Variants in ZNF654 observed in about 807,000 individuals in gnomAD.
The protein encoded by ZNF654 is melanoma-associated antigen.
A neutral mutation model predicts 95.3 loss-of-function variants in ZNF654; 19 were observed. That is an observed-to-expected ratio of 0.20 (90% CI 0.14 to 0.29). The LOEUF is 0.29. Ranked by LOEUF, ZNF654 falls within the 10% of genes least tolerant of loss-of-function variation. The pLI is 1.00. For missense variants in ZNF654, 1,046 were observed against 1,341.0 expected, an observed-to-expected ratio of 0.78 and a Z score of 3.44; for synonymous variants, 413 against 457.9, an observed-to-expected ratio of 0.90 and a Z score of 1.25.
intron 6 of ZNF654, among the ~76,000 whole-genome samples, chr3:88,131,320 CTG>C (rs1706450099): frequency 6.6e-6 from 1 of 152,118 alleles, no homozygotes. Flanking sequence ...CTGCGTATAA[CTG>C]TAGTTTTTGA....
chr3:88,109,780 G>A (rs1013149191), intron 2 of ZNF654, among the ~76,000 whole-genome samples: 4 of 152,012 alleles, frequency 2.6e-5, no homozygotes, highest in African/African-American at 7.2e-5. Context: ...TTTTATAAAT[G>A]TATAAACTGA....
chr3:88,089,504 T>A (rs1473214401), intron 2 of ZNF654, among the ~76,000 whole-genome samples: 4 of 135,628 alleles, frequency 2.9e-5, no homozygotes, highest in Non-Finnish European at 6.6e-5. Flanking sequence ...AAAAAAAAAA[T>A]GTTTTATTAG....
chr3:88,114,987 C>G (rs1481691748), intron 3 of ZNF654, among the ~76,000 whole-genome samples: 2 of 152,192 alleles, frequency 1.3e-5, no homozygotes, highest in African/African-American at 4.8e-5. Context: ...AGTGCAAACC[C>G]TAGCTCCGCA....
chr3:88,080,734 G>T (rs1453969115), intron 1 of ZNF654, among the ~76,000 whole-genome samples: 1 of 152,176 alleles, frequency 6.6e-6, no homozygotes, highest in Non-Finnish European at 1.5e-5. Flanking sequence ...AAAAGTAAAT[G>T]TAGAAATCTG....
chr3:88,121,330 A>G (rs1705757684), intron 3 of ZNF654, among the ~76,000 whole-genome samples: 1 of 152,250 alleles, frequency 6.6e-6, no homozygotes, highest in South Asian at 2.1e-4. Flanking sequence ...AAAATTCTTA[A>G]GTTTTTTAAT....
intron 1 of ZNF654, among the ~76,000 whole-genome samples, chr3:88,073,562 A>G (rs1707634246): frequency 6.6e-6 from 1 of 152,218 alleles, no homozygotes; most frequent in Non-Finnish European, 1.5e-5. Flanking sequence ...TATGTATACT[A>G]AAGTACTTAG....
At chr3:88,115,282 C>T (rs879423581) in intron 3 of ZNF654, among the ~76,000 whole-genome samples, 1 of 152,160 alleles carries the variant, frequency 6.6e-6, no homozygotes, top group African/African-American at 2.4e-5. Context: ...ACTTCTCTTT[C>T]CCCCCGCTGT....
intron 2 of ZNF654, among the ~76,000 whole-genome samples, chr3:88,109,595 A>C (rs1465006905): frequency 6.6e-6 from 1 of 152,136 alleles, no homozygotes. Flanking sequence ...ACAGAAATCC[A>C]AAAAAGAGTA....
intron 1 of ZNF654, among the ~76,000 whole-genome samples, chr3:88,059,951 A>T (rs1193353853): frequency 4.6e-5 from 7 of 151,006 alleles, no homozygotes; most frequent in African/African-American, 1.5e-4. Context: ...CCGGGATGGG[A>T]GACATGCCAT....
intron 1 of ZNF654, among the ~76,000 whole-genome samples, chr3:88,066,243 T>C (rs1483138485): frequency 6.6e-6 from 1 of 152,236 alleles, no homozygotes; most frequent in Non-Finnish European, 1.5e-5. Flanking sequence ...ATGACTATTA[T>C]TGCTTTCCAA....
At chr3:88,085,465 C>T (rs1001404240) in intron 1 of ZNF654, among the ~76,000 whole-genome samples, 1 of 152,118 alleles carries the variant, frequency 6.6e-6, no homozygotes, top group African/African-American at 2.4e-5. Context: ...ATCACTTTTA[C>T]CTCGTGGATG....
chr3:88,072,717 C>A (rs1707585550), intron 1 of ZNF654, among the ~76,000 whole-genome samples: 1 of 151,912 alleles, frequency 6.6e-6, no homozygotes, highest in Non-Finnish European at 1.5e-5. Flanking sequence ...TACTTAACAC[C>A]ATCTAATATA....
intron 6 of ZNF654, among the ~76,000 whole-genome samples, chr3:88,131,611 G>A (rs1706469379): frequency 6.6e-6 from 1 of 151,970 alleles, no homozygotes; most frequent in Admixed American, 6.6e-5. Flanking sequence ...ATATTATAAT[G>A]CCTGTCTTCT....
chr3:88,118,904 T>C (rs1312434352), intron 3 of ZNF654, among the ~76,000 whole-genome samples: 2 of 151,072 alleles, frequency 1.3e-5, no homozygotes, highest in African/African-American at 4.9e-5. Flanking sequence ...GGAGAGGATG[T>C]GGAGAAATAG....
intron 1 of ZNF654, among the ~76,000 whole-genome samples, chr3:88,075,066 C>T (rs1559692744): frequency 6.6e-6 from 1 of 152,162 alleles, no homozygotes; most frequent in South Asian, 2.1e-4. Context: ...TACAAATTTC[C>T]ATGGACGGTA....
At chr3:88,135,265 C>A (rs1287824238) in intron 7 of ZNF654, 63 bp downstream of exon 7, 3 of 1,256,360 alleles carry the variant, frequency 2.4e-6, no homozygotes, top group Non-Finnish European at 3.1e-6. Context: ...AAACTTGAAT[C>A]TCTTTTGATA....
At chr3:88,063,532 A>C (rs570770678) in intron 1 of ZNF654, among the ~76,000 whole-genome samples, 1 of 152,328 alleles carries the variant, frequency 6.6e-6, no homozygotes, top group East Asian at 1.9e-4. Context: ...TATAGGATTT[A>C]CATAATACTT....
intron 2 of ZNF654, among the ~76,000 whole-genome samples, chr3:88,087,742 T>C (rs1418242093): frequency 6.6e-6 from 1 of 152,232 alleles, no homozygotes; most frequent in Non-Finnish European, 1.5e-5. Context: ...AGTATTATTA[T>C]GTGAAACATT....
At chr3:88,110,608 A>T (rs980257969) in intron 2 of ZNF654, among the ~76,000 whole-genome samples, 3 of 152,090 alleles carry the variant, frequency 2.0e-5, no homozygotes, top group African/African-American at 7.2e-5. Flanking sequence ...CTTGCTGTAG[A>T]CTGTTACTCA....
Sources: allele counts gnomAD v4.1 joint callset (sites outside exome capture counted in the v4.1 genomes callset), GRCh38; gene constraint gnomAD v4.1.1; transcripts MANE v1.5; gene names NCBI Gene and HGNC (gene_info 2026-07-23, HGNC 2026-07-21).